The following AKT3 variants were observed in gnomAD, a reference collection of about 807,000 sequenced individuals.
AKT3 encodes RAC-gamma serine/threonine-protein kinase.
Under a neutral mutation model 65.3 loss-of-function variants are expected in AKT3, and 15 were observed. That is an observed-to-expected ratio of 0.23 (90% confidence interval 0.15 to 0.35). AKT3 has a LOEUF of 0.35. AKT3 is among the 10% of genes least tolerant of loss of function. AKT3 has a pLI of 1.00. For synonymous variants in AKT3, 206 were observed against 183.8 expected (o/e 1.12, Z -0.98); for missense variants, 243 against 576.5 (o/e 0.42, Z 5.92).
intron 8 of AKT3, among the ~76,000 whole-genome samples, chr1:243,582,331 T>G (rs1259445468): frequency 6.6e-6 from 1 of 150,828 alleles, no homozygotes; most frequent in Non-Finnish European, 1.5e-5. Flanking sequence ...AAAAAAAATC[T>G]TAAAGGCAGC....
intron 2 of AKT3, among the ~76,000 whole-genome samples, chr1:243,813,268 A>G (rs541294618): frequency 7.2e-5 from 11 of 152,322 alleles, no homozygotes; most frequent in African/African-American, 2.6e-4. Context: ...TTCTCACCAA[A>G]AAAGGTTCAA....
In AKT3 at chr1:243,664,127, G is replaced by A. The variant is rs114504450; in HGVS notation, c.284+645C>T. Among the ~76,000 whole-genome samples, 754 of 142,702 alleles carry A rather than the reference G, an allele frequency of 5.3e-3. 10 individuals are homozygous for A. The highest frequency in any genetic ancestry group is 0.018 in the African/African-American group (715 of 39,418). The allele number at this position is 142,702 out of a possible 152,430, so 93.6% of individuals were successfully genotyped here. The stretch of plus-strand genomic sequence containing the variant: ...ACTATCACTAGCCTTGGAATTTCAA[G>A]TATGAATACAATCAATTATACAATT... On this transcript the variant is annotated intron_variant, in intron 4 of 13. Coordinates refer to ENST00000673466, the MANE Select transcript of AKT3 (RefSeq NM_005465.7).
chr1:243,524,910 T>G (rs1003801369), intron 12 of AKT3, among the ~76,000 whole-genome samples: 13 of 152,120 alleles, frequency 8.5e-5, no homozygotes, highest in African/African-American at 3.1e-4. Flanking sequence ...CCAAATGAAT[T>G]TCTCATTTTT....
At chr1:243,601,760 A>G (rs1430193911) in intron 8 of AKT3, among the ~76,000 whole-genome samples, 5 of 152,254 alleles carry the variant, frequency 3.3e-5, no homozygotes, top group African/African-American at 7.2e-5. Context: ...ATGGAACAGT[A>G]TCTATAAATT....
Position 243,784,619 on chromosome 1 carries a change from A to G in AKT3, c.46+58506T>C, listed in dbSNP as rs1436407940. ...GCAAGCTCACATCCACAGCCGGTGC[A>G]CCAGCATCTCCCTCATGCCGGGTGA... On this transcript the variant is annotated intron_variant, in intron 2 of 13. Transcript: ENST00000673466. 2.0e-5 allele frequency among the ~76,000 whole-genome samples: 3 copies of G among 152,184 alleles called. 1 individual carries two copies. The highest frequency in any genetic ancestry group is 6.5e-5 in the Admixed American group (1 of 15,274).
rs1378543640 is a variant in AKT3, at chr1:243,501,672, C to T, written c.*3577G>A. On this transcript the variant is annotated 3_prime_UTR_variant, in exon 14 of 14. Coordinates refer to ENST00000673466, the MANE Select transcript of AKT3 (RefSeq NM_005465.7). The stretch of plus-strand genomic sequence containing the variant: ...CATTTTATACAAGGTAGGTTAATAC[C>T]AGCTGGGGCTATTAAAAATCATGTT... 2 of 232,848 alleles carry T rather than the reference C, an allele frequency of 8.6e-6. No homozygotes were observed. The highest frequency in any genetic ancestry group is 1.7e-5 in the Non-Finnish European group (2 of 117,934). The allele number at this position is 232,848 out of a possible 1,614,324, so 14.4% of individuals were successfully genotyped here. A position where few individuals can be genotyped will look rare whatever the true frequency, so the allele number is the denominator to read the frequency against.
chr1:243,547,614 T>A (rs1672763795), intron 11 of AKT3, among the ~76,000 whole-genome samples: 1 of 152,186 alleles, frequency 6.6e-6, no homozygotes, highest in Admixed American at 6.5e-5. Flanking sequence ...AGGAGCATAC[T>A]AAATACGCAT....
intron 2 of AKT3, among the ~76,000 whole-genome samples, chr1:243,702,613 A>G (rs916803975): frequency 6.6e-6 from 1 of 152,220 alleles, no homozygotes; most frequent in Non-Finnish European, 1.5e-5. Flanking sequence ...CAAACCACAC[A>G]TTAAATGTTC....
At chr1:243,630,520 A>T (rs1373161100) in intron 6 of AKT3, among the ~76,000 whole-genome samples, 1 of 152,252 alleles carries the variant, frequency 6.6e-6, no homozygotes, top group Non-Finnish European at 1.5e-5. Context: ...AAACCCAGCA[A>T]GGGAAATTCG....
At chr1:243,550,222 C>T (rs1258584813) in intron 11 of AKT3, among the ~76,000 whole-genome samples, 1 of 152,200 alleles carries the variant, frequency 6.6e-6, no homozygotes, top group Non-Finnish European at 1.5e-5. Context: ...TCATCTCACT[C>T]ATCCTTGTAT....
At chr1:243,579,584 A>G (rs1308960145) in intron 8 of AKT3, among the ~76,000 whole-genome samples, 1 of 152,182 alleles carries the variant, frequency 6.6e-6, no homozygotes, top group African/African-American at 2.4e-5. Flanking sequence ...GAAGGTAGAA[A>G]TAATACACCA....
chr1:243,492,052 C>A (rs1666558573), intron 13 of AKT3, among the ~76,000 whole-genome samples: 1 of 152,094 alleles, frequency 6.6e-6, no homozygotes, highest in Admixed American at 6.5e-5. Context: ...TGGTGGGGCT[C>A]AGGCTGGCCT....
intron 8 of AKT3, among the ~76,000 whole-genome samples, chr1:243,580,509 C>A (rs1675259214): frequency 6.6e-6 from 1 of 152,200 alleles, no homozygotes; most frequent in Non-Finnish European, 1.5e-5. Context: ...GCTGCACAGG[C>A]ATGTCAGTCT....
chr1:243,845,617 A>G (rs2148482845), intron 1 of AKT3, among the ~76,000 whole-genome samples: 1 of 149,982 alleles, frequency 6.7e-6, no homozygotes, highest in Admixed American at 6.6e-5. Flanking sequence ...AAGAAAAGAA[A>G]AAGAATTTGG....
At chr1:243,670,162 A>G (rs1197241859) in intron 3 of AKT3, among the ~76,000 whole-genome samples, 1 of 152,248 alleles carries the variant, frequency 6.6e-6, no homozygotes, top group African/African-American at 2.4e-5. Flanking sequence ...AATTACAAAT[A>G]AACAGTATAA....
intron 12 of AKT3, among the ~76,000 whole-genome samples, chr1:243,539,201 C>T (rs527721930): frequency 6.6e-6 from 1 of 152,090 alleles, no homozygotes; most frequent in Non-Finnish European, 1.5e-5. Flanking sequence ...TTGAGACAGC[C>T]AAGTCCAATC....
intron 3 of AKT3, among the ~76,000 whole-genome samples, chr1:243,671,078 CTTTTTT>C (rs569050061): frequency 1.5e-5 from 2 of 137,188 alleles, no homozygotes; most frequent in African/African-American, 2.7e-5. Flanking sequence ...TAATAGATTC[CTTTTTT>C]TTTTTTTTTT....
At chr1:243,625,618 T>C (rs1280358435) in intron 6 of AKT3, among the ~76,000 whole-genome samples, 2 of 152,022 alleles carry the variant, frequency 1.3e-5, no homozygotes, top group African/African-American at 4.8e-5. Context: ...ACCAGGAACA[T>C]TGTCCAAATG....
At chr1:243,760,068 T>C (rs938599994) in intron 2 of AKT3, among the ~76,000 whole-genome samples, 2 of 152,128 alleles carry the variant, frequency 1.3e-5, no homozygotes, top group Admixed American at 6.5e-5. Context: ...TACTCCTAGA[T>C]TGCTATCCAA....
Sources: allele counts gnomAD v4.1 joint callset (sites outside exome capture counted in the v4.1 genomes callset), GRCh38; gene constraint gnomAD v4.1.1; transcripts MANE v1.5; gene names NCBI Gene and HGNC (gene_info 2026-07-23, HGNC 2026-07-21).